NHLRC2: variants seen among roughly 807,000 people sequenced by gnomAD.
NHLRC2 encodes the protein NHL repeat containing 2.
Under a neutral mutation model 68.1 loss-of-function variants are expected in NHLRC2, and 33 were observed. That is an observed-to-expected ratio of 0.48 (90% CI 0.37 to 0.65). The LOEUF (loss-of-function observed/expected upper bound fraction) is 0.65. Ranked by LOEUF, NHLRC2 falls within the 30% of genes least tolerant of loss-of-function variation. The pLI is 0.00. For missense variants in NHLRC2, 761 were observed against 853.8 expected, an observed-to-expected ratio of 0.89 and a Z score of 1.35; for synonymous variants, 311 against 309.6, an observed-to-expected ratio of 1.00 and a Z score of -0.05.
chr10:113,869,776 G>A (rs2134698029), intron 2 of NHLRC2, among the ~76,000 whole-genome samples: 1 of 152,172 alleles, frequency 6.6e-6, no homozygotes, highest in South Asian at 2.1e-4. Flanking sequence ...TTTAACTCAT[G>A]GATTCTTATT....
At chr10:113,881,602 A>G (rs1285674815) in intron 4 of NHLRC2, among the ~76,000 whole-genome samples, 3 of 151,730 alleles carry the variant, frequency 2.0e-5, no homozygotes, top group East Asian at 1.9e-4. Context: ...CTCCCCTTAC[A>G]TTAGCATACC....
In NHLRC2 at chr10:113,914,907, A is replaced by T. The variant is rs1007123179; in HGVS notation, c.*6371A>T. 2.9e-5 allele frequency: 13 copies of T among 441,192 alleles called. No individual in the cohort carries two copies. The highest frequency in any genetic ancestry group is 2.6e-4 in the African/African-American group (13 of 49,186). The allele number at this position is 441,192 out of a possible 1,614,324, so 27.3% of individuals were successfully genotyped here. ...CCTATATGTATTCCATGGCTAACAAACCCTGGCCCCTTTACATATGAGCTC... is the reference window on the plus strand; with the variant it reads ...CCTATATGTATTCCATGGCTAACAATCCCTGGCCCCTTTACATATGAGCTC... On this transcript the variant is annotated 3_prime_UTR_variant, in exon 11 of 11. Transcript: ENST00000369301.
At chr10:113,893,932 G>C (rs1846155037) in intron 5 of NHLRC2, among the ~76,000 whole-genome samples, 1 of 152,118 alleles carries the variant, frequency 6.6e-6, no homozygotes, top group Non-Finnish European at 1.5e-5. Flanking sequence ...TCTTAGAGTG[G>C]GACATTGATG....
intron 5 of NHLRC2, among the ~76,000 whole-genome samples, chr10:113,893,154 A>G (rs1846147302): frequency 6.6e-6 from 1 of 152,114 alleles, no homozygotes; most frequent in Admixed American, 6.5e-5. Flanking sequence ...AAACCTCACT[A>G]TGCATCCCGG....
chr10:113,858,380 G>A, intron 1 of NHLRC2, 148 bp from the exon 2 acceptor site: 1 of 564,658 alleles, frequency 1.8e-6, no homozygotes, highest in Non-Finnish European at 3.1e-6. Context: ...ATAAATACAT[G>A]CAACTGCCAC....
At position 113,871,093 on chromosome 10, in the gene NHLRC2, C is replaced by T. The variant is rs192208039; in HGVS notation, c.332-5428C>T. Among the ~76,000 whole-genome samples the T allele has an allele frequency of 3.2e-4, 44 of 136,146 alleles. No individual in the cohort carries two copies. In the East Asian group the frequency reaches 7.1e-3, roughly 22 times the overall value. 89.3% of individuals were successfully genotyped at this position (136,146 alleles called of 152,430 possible). On this transcript the variant is annotated intron_variant, in intron 2 of 10. Transcript: ENST00000369301. ...AGGCTAGAGTACAGTGGCGTGATCTCGGTTCACCGCAACGTTTGCCTCTCA... is the reference window on the plus strand; with the variant it reads ...AGGCTAGAGTACAGTGGCGTGATCTTGGTTCACCGCAACGTTTGCCTCTCA...
At chr10:113,882,195 A>C (rs1846041085) in intron 4 of NHLRC2, among the ~76,000 whole-genome samples, 1 of 151,784 alleles carries the variant, frequency 6.6e-6, no homozygotes, top group Non-Finnish European at 1.5e-5. Flanking sequence ...ATGGACATAC[A>C]TTTTTATTTG....
intron 5 of NHLRC2, among the ~76,000 whole-genome samples, chr10:113,885,553 C>T (rs1400232804): frequency 6.6e-6 from 1 of 151,916 alleles, no homozygotes; most frequent in Non-Finnish European, 1.5e-5. Flanking sequence ...TTTTACCTCC[C>T]TGCCTTATTT....
chr10:113,892,647 C>CT lies in NHLRC2; in HGVS notation c.1040-5450dup, dbSNP rs574676017. Among the ~76,000 whole-genome samples, 610 of 144,330 alleles carry CT rather than the reference C, an allele frequency of 4.2e-3. 5 individuals are homozygous for CT. Among genetic ancestry groups the CT allele is most frequent in the South Asian group, 0.012 (53 of 4,506 alleles). 94.7% of individuals were successfully genotyped at this position (144,330 alleles called of 152,430 possible). A position where few individuals can be genotyped will look rare whatever the true frequency, so the allele number is the denominator to read the frequency against. ...GATAGACATTATAAATGCCAGCCCTCTTTTTTTTTTTTTAACTTTCATTTT... is the reference window on the plus strand; with the variant it reads ...GATAGACATTATAAATGCCAGCCCTCTTTTTTTTTTTTTTAACTTTCATTTT... On this transcript the variant is annotated intron_variant, in intron 5 of 10. Coordinates refer to ENST00000369301, the MANE Select transcript of NHLRC2 (RefSeq NM_198514.4).
Position 113,896,184 on chromosome 10 carries a change from A to G in NHLRC2, c.1040-1926A>G, listed in dbSNP as rs1379726477. Among the ~76,000 whole-genome samples the G allele has an allele frequency of 4.6e-5, 7 of 152,298 alleles. No individual in the cohort carries two copies. The South Asian group carries it at 6.2e-4, about 14-fold the overall frequency. On this transcript the variant is annotated intron_variant, in intron 5 of 10. Transcript: ENST00000369301. ...TTACTGGGTATATACCCAAAGGACT[A>G]TAAATCATGCTACTATAAAGACACA... is the stretch of plus-strand genomic sequence containing the variant.
chr10:113,863,770 A>G (rs953672761), intron 2 of NHLRC2, among the ~76,000 whole-genome samples: 1 of 152,202 alleles, frequency 6.6e-6, no homozygotes, highest in Non-Finnish European at 1.5e-5. Context: ...AAAATCAGGA[A>G]TGAAAATGGG....
At chr10:113,902,094 C>G (rs2134737127) in intron 7 of NHLRC2, among the ~76,000 whole-genome samples, 197 bp downstream of exon 7, 1 of 152,114 alleles carries the variant, frequency 6.6e-6, no homozygotes, top group Non-Finnish European at 1.5e-5. Flanking sequence ...ACTGACTCTA[C>G]TTTATTATGT....
intron 5 of NHLRC2, among the ~76,000 whole-genome samples, chr10:113,887,882 T>C (rs985281877): frequency 2.6e-5 from 4 of 152,016 alleles, no homozygotes; most frequent in African/African-American, 9.7e-5. Flanking sequence ...CTAAGTGAAA[T>C]AAGCCAAACA....
At chr10:113,865,869 TAA>T (rs1475364485) in intron 2 of NHLRC2, among the ~76,000 whole-genome samples, 1 of 152,222 alleles carries the variant, frequency 6.6e-6, no homozygotes, top group Non-Finnish European at 1.5e-5. Context: ...AAGCTGTCAC[TAA>T]GTCACTAAAT....
chr10:113,865,150 C>T (rs548453631), intron 2 of NHLRC2, among the ~76,000 whole-genome samples: 2 of 152,032 alleles, frequency 1.3e-5, no homozygotes, highest in African/African-American at 2.4e-5. Context: ...AGGGTTTCAC[C>T]GTGTTAGCCA....
rs373304799 is a variant in NHLRC2, at chr10:113,876,861, A to G, written c.672A>G (p.Leu224=). The G allele has an allele frequency of 3.7e-6, 6 of 1,612,556 alleles. No homozygotes were observed. Among genetic ancestry groups the G allele is most frequent in the African/African-American group, 2.7e-5 (2 of 74,902 alleles). The change falls in exon 3 of 11, where the codon CTA becomes CTG. Residue 224 remains leucine, a synonymous_variant. Transcript: ENST00000369301. The stretch of plus-strand genomic sequence containing the variant: ...ATTCTTTGCCACCTTCACCATTGCT[A>G]TTTCCTGGCAAAGTAACAGTAGACC... ...YKDSLPPSPL[L]FPGKVTVDQV...
intron 7 of NHLRC2, among the ~76,000 whole-genome samples, chr10:113,902,102 T>C (rs918513313): frequency 6.6e-6 from 1 of 152,208 alleles, no homozygotes; most frequent in African/African-American, 2.4e-5. Flanking sequence ...TACTTTATTA[T>C]GTATAAATGT....
intron 2 of NHLRC2, among the ~76,000 whole-genome samples, chr10:113,874,972 A>T (rs1589538963): frequency 6.6e-6 from 1 of 150,392 alleles, no homozygotes; most frequent in South Asian, 2.1e-4. Context: ...CTCATGGAGC[A>T]TAGTTATCTA....
intron 5 of NHLRC2, among the ~76,000 whole-genome samples, chr10:113,887,239 C>A (rs1002197897): frequency 4.6e-5 from 7 of 152,048 alleles, no homozygotes; most frequent in Non-Finnish European, 8.8e-5. Context: ...AAAAAGAGAA[C>A]CTTTGTACAC....
Sources: allele counts gnomAD v4.1 joint callset (sites outside exome capture counted in the v4.1 genomes callset), GRCh38; gene constraint gnomAD v4.1.1; transcripts MANE v1.5; gene names NCBI Gene and HGNC (gene_info 2026-07-23, HGNC 2026-07-21).